Variants in RANBP9 observed in about 807,000 individuals in gnomAD.
RANBP9 encodes RAN binding protein 9.
In RANBP9, 15 loss-of-function variants were observed where a neutral mutation model predicts 84.3. That is an observed-to-expected ratio of 0.18 (90% confidence interval 0.12 to 0.27). The LOEUF is 0.27. RANBP9 is among the 10% of genes least tolerant of loss of function. The pLI is 1.00. For missense variants in RANBP9, 809 were observed against 912.8 expected (o/e 0.89, Z 1.46); for synonymous variants, 392 against 349.6 (o/e 1.12, Z -1.35).
chr6:13,658,856 G>C (rs1303803419), intron 2 of RANBP9, 24 bp from the exon 3 acceptor site: 3 of 1,535,032 alleles, frequency 2.0e-6, no homozygotes, highest in Non-Finnish European at 2.7e-6. Flanking sequence ...TTGGGGGAGA[G>C]AAGAAAAGGA....
At chr6:13,627,004 C>G (rs753650381) in intron 12 of RANBP9, among the ~76,000 whole-genome samples, 4 of 152,204 alleles carry the variant, frequency 2.6e-5, no homozygotes, top group African/African-American at 9.6e-5. Flanking sequence ...CGTGCCTCTA[C>G]GCAAACACAC....
At position 13,668,486 on chromosome 6, in the gene RANBP9, C is replaced by G. The variant is rs760258715; in HGVS notation, c.684-9654G>C. On this transcript the variant is annotated intron_variant, in intron 2 of 13. Transcript: ENST00000011619. ...AATCCTCAACAAATTACTAGGAAAT[C>G]AAATCCAGCAACACATAAAAAAGAT... Among the ~76,000 whole-genome samples the G allele has an allele frequency of 2.3e-4, 35 of 152,050 alleles. No individual in the cohort carries two copies. The Middle Eastern group carries it at 0.01, about 44-fold the overall frequency.
chr6:13,625,540 T>C, intron 13 of RANBP9, 113 bp downstream of exon 13: 1 of 626,612 alleles, frequency 1.6e-6, no homozygotes, highest in African/African-American at 1.8e-5. Flanking sequence ...ATTTTAAAAA[T>C]ATAGAAAACA....
chr6:13,643,991 G>A (rs1283915717), intron 6 of RANBP9, among the ~76,000 whole-genome samples: 1 of 152,154 alleles, frequency 6.6e-6, no homozygotes, highest in East Asian at 1.9e-4. Context: ...TGGACCAACT[G>A]TATCTGAAAG....
intron 2 of RANBP9, among the ~76,000 whole-genome samples, chr6:13,695,407 T>TG (rs1766420675): frequency 2.0e-5 from 3 of 150,356 alleles, no homozygotes; most frequent in Non-Finnish European, 4.4e-5. Flanking sequence ...AAATGTTTTT[T>TG]TTTTTTTTTT....
intron 12 of RANBP9, 29 bp downstream of exon 12, chr6:13,632,341 C>T (rs1764810323): frequency 6.2e-7 from 1 of 1,600,106 alleles, no homozygotes; most frequent in South Asian, 1.1e-5. Context: ...CTGACATATT[C>T]ATAATTTTTC....
At chr6:13,634,601 TTAGTTTAAAATAAATCACTAC>T in intron 10 of RANBP9, 49 bp from the exon 11 acceptor site, 2 of 1,540,298 alleles carry the variant, frequency 1.3e-6, no homozygotes, top group Non-Finnish European at 1.8e-6. Context: ...TACTTGCAGC[TTAGTTTAAAATAAATCACTAC>T]TGAACTACAT....
intron 7 of RANBP9, among the ~76,000 whole-genome samples, chr6:13,642,090 T>C (rs963193821): frequency 6.6e-6 from 1 of 152,224 alleles, no homozygotes; most frequent in African/African-American, 2.4e-5. Flanking sequence ...GGATCAATAC[T>C]GTATTAGCCA....
At chr6:13,693,806 G>A (rs1289435562) in intron 2 of RANBP9, among the ~76,000 whole-genome samples, 4 of 152,180 alleles carry the variant, frequency 2.6e-5, no homozygotes, top group Non-Finnish European at 4.4e-5. Context: ...ACTTTGGGAG[G>A]CTGAGGCAGG....
At chr6:13,639,170 C>A (rs1562300220) in intron 9 of RANBP9, among the ~76,000 whole-genome samples, 1 of 152,054 alleles carries the variant, frequency 6.6e-6, no homozygotes, top group African/African-American at 2.4e-5. Flanking sequence ...AAAACAGCTA[C>A]AAAGGAAATA....
At chr6:13,664,346 A>ATTT (rs1765600023) in intron 2 of RANBP9, among the ~76,000 whole-genome samples, 1 of 152,170 alleles carries the variant, frequency 6.6e-6, no homozygotes, top group Non-Finnish European at 1.5e-5. Context: ...AAATCTTAAA[A>ATTT]GACGTAAATA....
chr6:13,658,426 T>G (rs1765460540), intron 3 of RANBP9, among the ~76,000 whole-genome samples: 1 of 152,070 alleles, frequency 6.6e-6, no homozygotes, highest in African/African-American at 2.4e-5. Context: ...CTGGCCAAAA[T>G]GGCAAAACCC....
rs142956389 is a variant in RANBP9 at position 13,698,603 on chromosome 6, T to C, written c.572-1707A>G. 5.8e-3 allele frequency among the ~76,000 whole-genome samples: 888 copies of C among 152,314 alleles called. 3 individuals are homozygous for C. Among genetic ancestry groups the C allele is most frequent in the Non-Finnish European group, 0.01 (688 of 68,008 alleles). On this transcript the variant is annotated intron_variant, in intron 1 of 13. Coordinates refer to ENST00000011619, the MANE Select transcript of RANBP9 (RefSeq NM_005493.3). ...TTTTTAAGGGGAGTGACCCAAACTT[T>C]TAGTGATAAAGTAATCCCAAAGTAT... is the stretch of plus-strand genomic sequence containing the variant.
chr6:13,641,259 G>A lies in RANBP9; in HGVS notation c.1274C>T (p.Thr425Ile). ...LAGRMGEAIE[T>I]TQQLYPSLLE... ...TAAACTTGGGTATAACTGTTGTGTT[G>A]TTTCAATGGCTTCTCCCATTCTTCC... is the stretch of plus-strand genomic sequence containing the variant. Residue 425 changes from threonine to isoleucine, a missense_variant, in exon 8 of 14, where the codon ACA becomes ATA. Around this residue, in one of 5 missense-constraint regions of RANBP9, gnomAD observed 216 missense variants for 329.0 expected, o/e 0.66. Transcript: ENST00000011619. The A allele has an allele frequency of 6.2e-7, 1 of 1,604,436 alleles. No homozygotes were observed. The highest frequency in any genetic ancestry group is 1.1e-5 in the South Asian group (1 of 88,622).
At chr6:13,700,976 A>G (rs907999104) in intron 1 of RANBP9, among the ~76,000 whole-genome samples, 3 of 152,176 alleles carry the variant, frequency 2.0e-5, no homozygotes, top group Non-Finnish European at 1.5e-5. Flanking sequence ...CATTCAGGAC[A>G]TTATTGCAGA....
intron 8 of RANBP9, among the ~76,000 whole-genome samples, chr6:13,640,950 G>C (rs1224855722): frequency 6.6e-6 from 1 of 152,080 alleles, no homozygotes; most frequent in Admixed American, 6.5e-5. Context: ...TTCTAAATAA[G>C]ATTTTCACAT....
At position 13,670,192 on chromosome 6, in the gene RANBP9, C is replaced by T. The variant is rs536015030; in HGVS notation, c.684-11360G>A. Among the ~76,000 whole-genome samples the T allele has an allele frequency of 5.3e-5, 8 of 152,178 alleles. No homozygotes were observed. In the South Asian group the frequency reaches 1.7e-3, roughly 32 times the overall value. ...CCTGTAGTCCCAGCTTCTCGGGAGG[C>T]TGAGGCATTAGAATTGCTTGAGCCT... is the stretch of plus-strand genomic sequence containing the variant. On this transcript the variant is annotated intron_variant, in intron 2 of 13. Coordinates refer to ENST00000011619, the MANE Select transcript of RANBP9 (RefSeq NM_005493.3).
At chr6:13,671,679 G>A (rs1157704857) in intron 2 of RANBP9, among the ~76,000 whole-genome samples, 1 of 152,052 alleles carries the variant, frequency 6.6e-6, no homozygotes, top group Admixed American at 6.5e-5. Context: ...TGACAAAAAT[G>A]TTTAAAAATT....
At chr6:13,671,082 TTAG>T (rs1344388787) in intron 2 of RANBP9, among the ~76,000 whole-genome samples, 1 of 152,150 alleles carries the variant, frequency 6.6e-6, no homozygotes, top group African/African-American at 2.4e-5. Flanking sequence ...ATGTTAATCA[TTAG>T]TAATTAGAGA....
Sources: allele counts gnomAD v4.1 joint callset (sites outside exome capture counted in the v4.1 genomes callset), GRCh38; gene constraint gnomAD v4.1.1; regional missense constraint gnomAD v4.1.1; transcripts MANE v1.5; gene names NCBI Gene and HGNC (gene_info 2026-07-23, HGNC 2026-07-21).